Variants in ZNF726 observed in about 807,000 individuals in gnomAD.
The protein encoded by ZNF726 is zinc finger protein 726.
ZNF726 carries 15 observed loss-of-function variants against 11.6 expected under a neutral mutation model. The observed-to-expected ratio is 1.29, with a 90% CI of 0.86 to 1.99. The LOEUF (loss-of-function observed/expected upper bound fraction) is 1.99, where lower values mean the gene tolerates loss of function less well. ZNF726 is among the 30% of genes most tolerant of loss of function. The pLI is 0.00. For synonymous variants in ZNF726, 295 were observed against 243.6 expected, an observed-to-expected ratio of 1.21 and a Z score of -1.96; for missense variants, 890 against 725.6, an observed-to-expected ratio of 1.23 and a Z score of -2.60.
intron 3 of ZNF726, chr19:23,920,843 T>C (rs2144963782): frequency 6.6e-6 from 1 of 152,480 alleles, no homozygotes; most frequent in East Asian, 1.9e-4. Context: ...ATATGGCCGT[T>C]TTTACTTCCT....
In ZNF726 at chr19:23,914,942, T is replaced by C. The variant is rs1427513684; in HGVS notation, c.-53T>C. On this transcript the variant is annotated 5_prime_UTR_variant, in exon 1 of 4. Transcript: ENST00000594466. ...GTCCTCACTACTCTGTGTCTTCTGC[T>C]TTTAGGGGCGCAGCCTCTGTGGCCC... is the stretch of plus-strand genomic sequence containing the variant. 2.5e-6 allele frequency: 4 copies of C among 1,612,478 alleles called. No homozygotes were observed.
At chr19:23,931,136 A>G (rs972012356) in intron 3 of ZNF726, among the ~76,000 whole-genome samples, 7 of 152,096 alleles carry the variant, frequency 4.6e-5, no homozygotes, top group African/African-American at 1.7e-4. Context: ...ATGCCCAGCT[A>G]ACTTTTTGTA....
chr19:23,915,535 A>C lies in ZNF726; in HGVS notation c.3+538A>C, dbSNP rs1051138645. 5.9e-5 allele frequency among the ~76,000 whole-genome samples: 9 copies of C among 152,198 alleles called. No individual in the cohort carries two copies. The South Asian group carries it at 8.3e-4, about 14-fold the overall frequency. ...ATAAAACCAAATTCCGTAATTGGCT[A>C]GGTACGGTTATGTAGATTTTGTTGT... On this transcript the variant is annotated intron_variant, in intron 1 of 3. Transcript: ENST00000594466.
intron 3 of ZNF726, among the ~76,000 whole-genome samples, chr19:23,924,654 G>A (rs10409825): frequency 0.24 from 35,999 of 151,972 alleles, 4,470 homozygotes; most frequent in African/African-American, 0.27. Context: ...TTGAGAGGCC[G>A]GGACAGGAGG....
chr19:23,928,799 GTTTA>G (rs1472289087), intron 3 of ZNF726: 2 of 151,842 alleles, frequency 1.3e-5, no homozygotes, highest in African/African-American at 4.8e-5. Flanking sequence ...TTATTTACTT[GTTTA>G]TTCATTTATT....
chr19:23,935,696 A>G (rs1968218936), downstream of ZNF726: 2 of 253,260 alleles, frequency 7.9e-6, no homozygotes, highest in Admixed American at 1.0e-4. Context: ...TTATACTGGA[A>G]AAAACTACCA....
In ZNF726 at chr19:23,933,206, A is replaced by C; in HGVS notation, c.1090A>C (p.Thr364Pro). The change falls in exon 4 of 4, where the codon ACT (threonine) becomes CCT (proline). Residue 364 changes from threonine (T) to proline (P), a missense_variant. Transcript: ENST00000594466. ...GHLTTHRIIH[T>P]GEKPYKCEEC... Reference sequence around the variant, plus strand: ...CCTTACTACACATAGGATAATTCATACTGGAGAGAAACCCTACAAATGTGA... The same window carrying C: ...CCTTACTACACATAGGATAATTCATCCTGGAGAGAAACCCTACAAATGTGA... 1 of 1,602,096 alleles carries C rather than the reference A, an allele frequency of 6.2e-7. No homozygotes were observed. Among genetic ancestry groups the C allele is most frequent in the Non-Finnish European group, 8.5e-7 (1 of 1,173,484 alleles).
intron 3 of ZNF726, among the ~76,000 whole-genome samples, chr19:23,930,607 T>C (rs1014088878): frequency 1.3e-5 from 2 of 152,304 alleles, no homozygotes; most frequent in Middle Eastern, 3.5e-3. Flanking sequence ...CCTTGTATTT[T>C]TTTAATAACG....
chr19:23,941,576 T>G (rs1345145948), intron 3 of ZNF726, among the ~76,000 whole-genome samples: 1 of 152,158 alleles, frequency 6.6e-6, no homozygotes, highest in East Asian at 1.9e-4. Context: ...GAATATCTGG[T>G]AGAATTCTGT....
downstream of ZNF726, among the ~76,000 whole-genome samples, chr19:23,938,519 C>T (rs1036254150): frequency 7.2e-5 from 11 of 151,954 alleles, no homozygotes; most frequent in African/African-American, 2.7e-4. Flanking sequence ...AGAATCTCCC[C>T]ATGCAAATTC....
At chr19:23,916,721 C>G (rs997995617) in intron 1 of ZNF726, among the ~76,000 whole-genome samples, 1 of 152,082 alleles carries the variant, frequency 6.6e-6, no homozygotes, top group Non-Finnish European at 1.5e-5. Flanking sequence ...AAAGAATAAT[C>G]TGACACTATT....
intron 3 of ZNF726, among the ~76,000 whole-genome samples, chr19:23,942,467 G>A (rs1032055963): frequency 2.0e-5 from 3 of 152,144 alleles, no homozygotes; most frequent in African/African-American, 4.8e-5. Context: ...GTATATACCT[G>A]TTAAGTTCAT....
At chr19:23,920,859 A>G (rs1967830677) in intron 3 of ZNF726, 2 of 151,860 alleles carry the variant, frequency 1.3e-5, no homozygotes. Context: ...TTCCTGCAGA[A>G]AGGGTATACT....
rs780494551 is a variant in ZNF726, at chr19:23,933,429, C to A, written c.1313C>A (p.Ser438Ter). The change falls in exon 4 of 4, where the codon TCA (serine) becomes TAA (stop). Residue 438 changes from serine to a stop codon, truncating the protein, a stop_gained. Transcript: ENST00000594466. LOFTEE classifies it low-confidence loss of function (END_TRUNC). ...TGCGGCAAAGCGTTTATATGGTCCTCAAACCTTACTGAACATAAGAAAATT... is the reference window on the plus strand; with the variant it reads ...TGCGGCAAAGCGTTTATATGGTCCTAAAACCTTACTGAACATAAGAAAATT... ...EECGKAFIWS[S>*]NLTEHKKIHT... The A allele has an allele frequency of 1.9e-6, 3 of 1,612,390 alleles. No homozygotes were observed. The South Asian group carries it at 3.3e-5, about 18-fold the overall frequency.
At chr19:23,934,739 C>T (rs1027468973), downstream of ZNF726, among the ~76,000 whole-genome samples, 4 of 152,198 alleles carry the variant, frequency 2.6e-5, no homozygotes, top group African/African-American at 9.7e-5. Context: ...TCTCTGAGCT[C>T]TTTTTCCTTT....
intron 3 of ZNF726, among the ~76,000 whole-genome samples, chr19:23,925,308 A>G (rs1967958460): frequency 6.6e-6 from 1 of 152,140 alleles, no homozygotes; most frequent in Non-Finnish European, 1.5e-5. Context: ...CATTTATAAC[A>G]TTATAAAATA....
At position 23,914,966 on chromosome 19, in the gene ZNF726, C is replaced by T. The variant is rs773838277; in HGVS notation, c.-29C>T. 19 of 1,613,434 alleles carry T rather than the reference C, an allele frequency of 1.2e-5. No homozygotes were observed. The highest frequency in any genetic ancestry group is 1.4e-5 in the Non-Finnish European group (17 of 1,179,998). On this transcript the variant is annotated 5_prime_UTR_variant, in exon 1 of 4. Coordinates refer to ENST00000594466, the MANE Select transcript of ZNF726 (RefSeq NM_001244038.2). ...CTTTTAGGGGCGCAGCCTCTGTGGC[C>T]CTGTGACCTGCCCCCTGGAAGCCTA...
downstream of ZNF726, among the ~76,000 whole-genome samples, chr19:23,937,703 G>T (rs1016831236): frequency 1.7e-4 from 26 of 152,258 alleles, no homozygotes; most frequent in African/African-American, 6.3e-4. Context: ...CCAGACGATG[G>T]GCGGCCAGGT....
chr19:23,916,621 G>A (rs916346506), intron 1 of ZNF726, among the ~76,000 whole-genome samples: 7 of 152,146 alleles, frequency 4.6e-5, no homozygotes, highest in African/African-American at 1.7e-4. Context: ...GTGAGCTACC[G>A]TGCCTGGTGA....
Sources: gnomAD v4.1 joint callset for allele counts (sites outside exome capture counted in the v4.1 genomes callset) on GRCh38, gnomAD v4.1.1 for gene constraint, MANE v1.5 for transcripts, NCBI Gene and HGNC (gene_info 2026-07-23, HGNC 2026-07-21) for gene names.